VPS35: variants seen among roughly 807,000 people sequenced by gnomAD.
VPS35 encodes vacuolar protein sorting-associated protein 35.
A neutral mutation model predicts 98.1 loss-of-function variants in VPS35; 21 were observed. The observed-to-expected ratio is 0.21, with a 90% CI of 0.15 to 0.31. The LOEUF is 0.31. VPS35 is among the 10% of genes least tolerant of loss of function. VPS35 has a pLI of 1.00. For missense variants in VPS35, 554 were observed against 950.8 expected, an observed-to-expected ratio of 0.58 and a Z score of 5.49; for synonymous variants, 268 against 318.2, an observed-to-expected ratio of 0.84 and a Z score of 1.68.
intron 15 of VPS35, 126 bp downstream of exon 15, chr16:46,662,117 A>T: frequency 6.4e-7 from 1 of 1,557,426 alleles, no homozygotes; most frequent in Non-Finnish European, 8.8e-7. Context: ...TTTTTAACAA[A>T]ACAAAGCAAT....
chr16:46,662,617 CTT>C, intron 14 of VPS35, 135 bp from the exon 15 acceptor site: 6 of 1,381,532 alleles, frequency 4.3e-6, no homozygotes, highest in East Asian at 2.3e-5. Flanking sequence ...TGCACCCTCT[CTT>C]GAGAGCCACA....
At chr16:46,679,235 A>G (rs1966195652) in intron 5 of VPS35, 79 bp from the exon 6 acceptor site, 2 of 1,268,982 alleles carry the variant, frequency 1.6e-6, no homozygotes, top group East Asian at 5.0e-5. Context: ...TGTATTTCCT[A>G]CTTATCTCTA....
rs749516404 is a variant in VPS35 at position 46,661,719 on chromosome 16, G to A, written c.2210C>T (p.Ala737Val). The A allele has an allele frequency of 5.7e-5, 92 of 1,604,274 alleles. No homozygotes were observed. Among genetic ancestry groups the A allele is most frequent in the Middle Eastern group, 3.3e-4 (2 of 6,048 alleles). Residue 737 changes from alanine (A) to valine (V), a missense_variant and splice_region_variant, in exon 16 of 17, where the codon GCG (alanine) becomes GTG (valine). This residue lies in a region of VPS35 where 153 missense variants were observed against 211.0 expected (regional missense o/e 0.73). Transcript: ENST00000299138. This position sits in a 1 kb window ranked among gnomAD's most constrained non-coding sequence, Gnocchi z 4.3. ...ACAACACTTTACTAATTCACTTACC[G>A]CATCATTTTCCTTTTCATAAAAATA... ...YIYFYEKEND[A>V]VTIQVLNQLI...
At chr16:46,667,312 T>G (rs1336603544) in intron 13 of VPS35, among the ~76,000 whole-genome samples, 1 of 152,214 alleles carries the variant, frequency 6.6e-6, no homozygotes, top group African/African-American at 2.4e-5. Flanking sequence ...ATCAAGTTAT[T>G]CATTTGCTTG....
At chr16:46,668,770 C>T (rs925664669) in intron 13 of VPS35, among the ~76,000 whole-genome samples, 160 bp downstream of exon 13, 2 of 152,156 alleles carry the variant, frequency 1.3e-5, no homozygotes, top group African/African-American at 4.8e-5. Context: ...ACACTTAGCA[C>T]AGGATAAGTA....
chr16:46,687,972 A>G (rs531417820), intron 1 of VPS35, among the ~76,000 whole-genome samples: 1 of 152,372 alleles, frequency 6.6e-6, no homozygotes, highest in South Asian at 2.1e-4. Flanking sequence ...TCCATTACAA[A>G]ACAATATAAA....
rs1966351428 is a variant in VPS35 at position 46,688,129 on chromosome 16, CACTT to C, written c.3+998_3+1001del. 2.0e-5 allele frequency among the ~76,000 whole-genome samples: 3 copies of C among 152,206 alleles called. No individual in the cohort carries two copies. In the South Asian group the frequency reaches 6.2e-4, roughly 32 times the overall value. ...TTATATGAAAATAGTATTTGTAAAA[CACTT>C]AATCCTTTCTGGCATTAAGACATTT... On this transcript the variant is annotated intron_variant, in intron 1 of 16. Transcript: ENST00000299138.
rs1342046894 is a variant in VPS35, at chr16:46,682,175, C to G, written c.103G>C (p.Asp35His). ...AGAGCATCCATAAGCTTGTTTTTGT[C>G]CTACAGAAATACCAAGAGAATAGAT... ...VQSFQMKRCL[D>H]KNKLMDALKH... is the part of the protein sequence containing the mutation. Residue 35 changes from aspartate (D) to histidine (H), a missense_variant and splice_region_variant, in exon 3 of 17, where the codon GAC becomes CAC. By Grantham distance (81) the Asp-to-His change is moderately conservative. Around this residue, in one of 5 missense-constraint regions of VPS35, gnomAD observed 67 missense variants for 103.3 expected, o/e 0.65. Transcript: ENST00000299138. 1 of 1,610,184 alleles carries G rather than the reference C, an allele frequency of 6.2e-7. No homozygotes were observed. The highest frequency in any genetic ancestry group is 1.3e-5 in the African/African-American group (1 of 74,798).
intron 16 of VPS35, chr16:46,660,930 G>A: frequency 2.3e-6 from 1 of 437,974 alleles, no homozygotes; most frequent in Non-Finnish European, 4.3e-6. Flanking sequence ...CAGATCACTT[G>A]AAGTCAGGAG....
intron 1 of VPS35, among the ~76,000 whole-genome samples, chr16:46,687,096 G>T (rs1024612595): frequency 6.6e-6 from 1 of 152,168 alleles, no homozygotes; most frequent in Non-Finnish European, 1.5e-5. Context: ...TTATTATTCA[G>T]TTTAGATACA....
intron 5 of VPS35, among the ~76,000 whole-genome samples, chr16:46,680,010 T>G (rs1966210101): frequency 6.6e-6 from 1 of 151,418 alleles, no homozygotes; most frequent in South Asian, 2.1e-4. Context: ...AGAAAGAAAA[T>G]AAATGAATAA....
At chr16:46,668,201 A>G (rs1306914765) in intron 13 of VPS35, among the ~76,000 whole-genome samples, 1 of 152,088 alleles carries the variant, frequency 6.6e-6, no homozygotes, top group East Asian at 1.9e-4. Flanking sequence ...TTCGAGACCA[A>G]CTGGTCAACA....
intron 12 of VPS35, 155 bp from the exon 13 acceptor site, chr16:46,669,207 A>G (rs565783368): frequency 1.8e-5 from 17 of 924,056 alleles, no homozygotes; most frequent in Admixed American, 1.1e-4. Context: ...TTATCTCCTC[A>G]AGTTGTCACA....
chr16:46,671,277 T>C (rs1966064559), intron 12 of VPS35, among the ~76,000 whole-genome samples: 1 of 152,176 alleles, frequency 6.6e-6, no homozygotes. Context: ...TTATAAAGTT[T>C]ATTATAAGCA....
rs1045039614 is a variant in VPS35 at position 46,661,319 on chromosome 16, T to C, written c.2211+399A>G. 6.6e-6 allele frequency among the ~76,000 whole-genome samples: 1 copy of C among 151,810 alleles called. No homozygotes were observed. Among genetic ancestry groups the C allele is most frequent in the African/African-American group, 2.4e-5 (1 of 41,358 alleles). On this transcript the variant is annotated intron_variant, in intron 16 of 16. Transcript: ENST00000299138. This position sits in a 1 kb window ranked among gnomAD's most constrained non-coding sequence, Gnocchi z 4.3. ...GTCTTGGCTCACTGCAGCCTCCACC[T>C]CCCAGGTTCAAGCGATTCTCCTGCC...
At chr16:46,665,963 G>T (rs1197069185) in intron 13 of VPS35, among the ~76,000 whole-genome samples, 3 of 152,016 alleles carry the variant, frequency 2.0e-5, no homozygotes, top group African/African-American at 4.8e-5. Context: ...GAGTGCAGTG[G>T]CGCGATCTCA....
chr16:46,685,822 A>G (rs1204214839), intron 1 of VPS35, among the ~76,000 whole-genome samples: 1 of 152,204 alleles, frequency 6.6e-6, no homozygotes, highest in Non-Finnish European at 1.5e-5. Flanking sequence ...ATTTAGAGAT[A>G]AACAGTGATA....
chr16:46,661,856 G>A lies in VPS35; in HGVS notation c.2073C>T (p.His691=), dbSNP rs542139125. The part of the protein sequence containing the change: ...RNTDKNGEEL[H]GGKRVMECLK... ...GGCACTCCATTACCCTCTTGCCTCC[G>A]TGAAGCTAAAATAAAAGGGCAGGGG... Residue 691 remains histidine (H), a synonymous_variant, in exon 16 of 17, where the codon CAC becomes CAT. Transcript: ENST00000299138. This position sits in a 1 kb window ranked among gnomAD's most constrained non-coding sequence, Gnocchi z 4.3. 1.9e-5 allele frequency: 30 copies of A among 1,613,966 alleles called. No individual in the cohort carries two copies. Among genetic ancestry groups the A allele is most frequent in the Middle Eastern group, 1.6e-4 (1 of 6,062 alleles).
intron 10 of VPS35, chr16:46,673,528 GA>G (rs1966097809): frequency 6.7e-6 from 1 of 149,570 alleles, no homozygotes; most frequent in Admixed American, 6.6e-5. Context: ...AACAGGGCAG[GA>G]AGGGAACTGC....
Sources: allele counts gnomAD v4.1 joint callset (sites outside exome capture counted in the v4.1 genomes callset), GRCh38; gene constraint gnomAD v4.1.1; regional missense constraint gnomAD v4.1.1; non-coding constraint Gnocchi (gnomAD v3.1); transcripts MANE v1.5; gene names NCBI Gene and HGNC (gene_info 2026-07-23, HGNC 2026-07-21).